Variants in DPP10 observed in about 807,000 individuals in gnomAD.
The protein encoded by DPP10 is inactive dipeptidyl peptidase 10.
Under a neutral mutation model 120.9 loss-of-function variants are expected in DPP10, and 33 were observed. The observed-to-expected ratio is 0.27, with a 90% confidence interval of 0.21 to 0.37. The LOEUF (loss-of-function observed/expected upper bound fraction) is 0.37. Ranked by LOEUF, DPP10 falls within the 10% of genes least tolerant of loss-of-function variation. The pLI, the probability that DPP10 is intolerant of heterozygous loss-of-function variation, is 1.00. For synonymous variants in DPP10, 337 were observed against 326.1 expected, an observed-to-expected ratio of 1.03 and a Z score of -0.36; for missense variants, 816 against 942.8, an observed-to-expected ratio of 0.87 and a Z score of 1.76.
chr2:114,896,887 CTTA>C lies in DPP10; in HGVS notation c.61-412346_61-412344del, dbSNP rs1693055182. 2.0e-5 allele frequency among the ~76,000 whole-genome samples: 3 copies of C among 151,790 alleles called. No individual in the cohort carries two copies. The South Asian group carries it at 6.3e-4, about 32-fold the overall frequency. ...GGCTGTGGGTTTGTCATAGATAGCT[CTTA>C]TTATTTTGAGATACGTCCCATCAAT... On this transcript the variant is annotated intron_variant, in intron 1 of 25. Coordinates refer to ENST00000410059, the MANE Select transcript of DPP10 (RefSeq NM_020868.6).
At chr2:115,454,613 ATACT>A (rs1211356976) in intron 3 of DPP10, among the ~76,000 whole-genome samples, 2 of 151,858 alleles carry the variant, frequency 1.3e-5, no homozygotes, top group African/African-American at 4.8e-5. Context: ...AGCGGATATA[ATACT>A]TAATGGTAGA....
chr2:115,703,059 G>A (rs1396045974), intron 7 of DPP10, among the ~76,000 whole-genome samples: 2 of 151,978 alleles, frequency 1.3e-5, no homozygotes, highest in East Asian at 3.9e-4. Context: ...ATCTATAATT[G>A]TATCACGAAG....
chr2:114,750,227 C>A (rs779968648), intron 1 of DPP10, among the ~76,000 whole-genome samples: 11 of 151,472 alleles, frequency 7.3e-5, no homozygotes, highest in Non-Finnish European at 1.3e-4. Flanking sequence ...CAACTCCATG[C>A]AATGGCACCA....
At chr2:115,663,623 C>T (rs1027304677) in intron 5 of DPP10, among the ~76,000 whole-genome samples, 7 of 152,128 alleles carry the variant, frequency 4.6e-5, no homozygotes, top group Non-Finnish European at 1.0e-4. Flanking sequence ...CATTCGGCCA[C>T]CTCTTATTCT....
intron 1 of DPP10, among the ~76,000 whole-genome samples, chr2:114,672,397 G>T (rs1349781546): frequency 2.6e-5 from 4 of 152,142 alleles, no homozygotes; most frequent in African/African-American, 9.7e-5. Context: ...CTCCTACAAA[G>T]AAGTGTTTGG....
At chr2:114,996,369 A>G (rs991086319) in intron 1 of DPP10, among the ~76,000 whole-genome samples, 1 of 152,202 alleles carries the variant, frequency 6.6e-6, no homozygotes, top group Non-Finnish European at 1.5e-5. Context: ...AAGAGCATGG[A>G]GAGTATGTCT....
chr2:114,449,786 G>A (rs1004816706), intron 1 of DPP10, among the ~76,000 whole-genome samples: 4 of 152,140 alleles, frequency 2.6e-5, no homozygotes, highest in Non-Finnish European at 4.4e-5. Context: ...TTTTCATAAG[G>A]AGTTGTATAG....
intron 1 of DPP10, among the ~76,000 whole-genome samples, chr2:114,869,982 C>T (rs1039328073): frequency 2.6e-5 from 4 of 152,156 alleles, no homozygotes; most frequent in Non-Finnish European, 5.9e-5. Flanking sequence ...GTAAAATGAT[C>T]ACCAGGTAGG....
In DPP10 at chr2:115,629,387, C is replaced by A. The variant is rs1015030505; in HGVS notation, c.442-60300C>A. ...CTAGTTCTAGATCCCTGAGGAATTG[C>A]CACACTGACTTCCACAATGGTTGAA... On this transcript the variant is annotated intron_variant, in intron 5 of 25. Transcript: ENST00000410059. Among the ~76,000 whole-genome samples the A allele has an allele frequency of 5.3e-5, 8 of 152,108 alleles. No individual in the cohort carries two copies. The South Asian group carries it at 8.3e-4, about 16-fold the overall frequency.
At chr2:115,771,279 GC>G (rs1330823509) in intron 13 of DPP10, among the ~76,000 whole-genome samples, 11 of 152,074 alleles carry the variant, frequency 7.2e-5, no homozygotes, top group African/African-American at 2.7e-4. Flanking sequence ...TCACCGTGTT[GC>G]CCAGGCTGGT....
chr2:115,251,105 A>G (rs1305935156), intron 1 of DPP10, among the ~76,000 whole-genome samples: 1 of 152,204 alleles, frequency 6.6e-6, no homozygotes, highest in African/African-American at 2.4e-5. Flanking sequence ...GCTGCCAGGG[A>G]TAGGTCTGTG....
At chr2:115,841,550 G>A (rs1223742946) in intron 25 of DPP10, among the ~76,000 whole-genome samples, 1 of 152,126 alleles carries the variant, frequency 6.6e-6, no homozygotes, top group African/African-American at 2.4e-5. Flanking sequence ...TTAGGATAAT[G>A]AAATATGAAG....
At chr2:115,592,487 T>G (rs2082721589) in intron 5 of DPP10, among the ~76,000 whole-genome samples, 1 of 151,770 alleles carries the variant, frequency 6.6e-6, no homozygotes, top group African/African-American at 2.4e-5. Context: ...CCTAGCACTT[T>G]GGGAGGCCAA....
chr2:114,812,889 A>G (rs984900323), intron 1 of DPP10, among the ~76,000 whole-genome samples: 1 of 152,322 alleles, frequency 6.6e-6, no homozygotes, highest in South Asian at 2.1e-4. Context: ...TATAAAACAA[A>G]GAAATATAGG....
intron 1 of DPP10, among the ~76,000 whole-genome samples, chr2:114,819,476 T>C (rs1685911800): frequency 6.6e-6 from 1 of 152,068 alleles, no homozygotes; most frequent in Non-Finnish European, 1.5e-5. Context: ...TCATGAAAAA[T>C]AAAAATAAAA....
intron 1 of DPP10, among the ~76,000 whole-genome samples, chr2:115,006,334 A>C (rs1439860137): frequency 6.6e-6 from 1 of 152,000 alleles, no homozygotes; most frequent in Non-Finnish European, 1.5e-5. Context: ...ACCAGCTAGC[A>C]TCATAACAAC....
intron 1 of DPP10, among the ~76,000 whole-genome samples, chr2:114,926,506 G>A (rs112519196): frequency 5.3e-5 from 8 of 152,158 alleles, no homozygotes; most frequent in African/African-American, 1.7e-4. Context: ...AGAGGCCTCC[G>A]CCAGGACTGA....
intron 1 of DPP10, among the ~76,000 whole-genome samples, chr2:114,934,926 T>A (rs1325620207): frequency 6.6e-6 from 1 of 152,182 alleles, no homozygotes; most frequent in Non-Finnish European, 1.5e-5. Context: ...CAGTCCTAAG[T>A]AATTGGCAAA....
intron 1 of DPP10, among the ~76,000 whole-genome samples, chr2:114,605,484 T>C (rs1692710652): frequency 6.6e-6 from 1 of 152,154 alleles, no homozygotes; most frequent in Non-Finnish European, 1.5e-5. Flanking sequence ...CACATTTCTT[T>C]AGCTTGTTTT....
Sources: gnomAD v4.1 joint callset for allele counts (sites outside exome capture counted in the v4.1 genomes callset) on GRCh38, gnomAD v4.1.1 for gene constraint, MANE v1.5 for transcripts, NCBI Gene and HGNC (gene_info 2026-07-23, HGNC 2026-07-21) for gene names.